ABLIM2: variants seen among roughly 807,000 people sequenced by gnomAD.
The protein encoded by ABLIM2 is actin binding LIM protein family member 2, also known as actin-binding LIM protein 2.
In ABLIM2, 53 loss-of-function variants were observed where a neutral mutation model predicts 97.7. That is an observed-to-expected ratio of 0.54 (90% CI 0.44 to 0.68). The LOEUF (loss-of-function observed/expected upper bound fraction) is 0.68. ABLIM2 is among the 30% of genes least tolerant of loss of function. ABLIM2 has a pLI of 0.00. For missense variants in ABLIM2, 835 were observed against 867.2 expected, an observed-to-expected ratio of 0.96 and a Z score of 0.47; for synonymous variants, 361 against 345.8, an observed-to-expected ratio of 1.04 and a Z score of -0.49.
chr4:8,032,956 C>T lies in ABLIM2; in HGVS notation c.1048-3180G>A, dbSNP rs779137334. On this transcript the variant is annotated intron_variant, in intron 10 of 20. Coordinates refer to ENST00000447017, the MANE Select transcript of ABLIM2 (RefSeq NM_001130083.2). The surrounding 1 kb of genome is among the most constrained non-coding windows in gnomAD (Gnocchi z 4.3). ...GCTTGTCTCTACCTGGCCACCCCCA[C>T]GTCCCACTGTTCTCCCACAAAGATG... Among the ~76,000 whole-genome samples the T allele has an allele frequency of 6.6e-6, 1 of 152,356 alleles. No individual in the cohort carries two copies. The highest frequency in any genetic ancestry group is 1.5e-5 in the Non-Finnish European group (1 of 68,044).
Position 7,966,638 on chromosome 4 carries a change from C to T in ABLIM2, c.*352G>A, listed in dbSNP as rs1577406920. On this transcript the variant is annotated 3_prime_UTR_variant, in exon 21 of 21. Transcript: ENST00000447017. The stretch of plus-strand genomic sequence containing the variant: ...AGCTCACGTCCCGGCCACCTCTGTC[C>T]CCCACGTGCCCAGCACCGGGGCCAG... 1 of 244,082 alleles carries T rather than the reference C, an allele frequency of 4.1e-6. No individual in the cohort carries two copies. Among genetic ancestry groups the T allele is most frequent in the Non-Finnish European group, 8.0e-6 (1 of 125,520 alleles). 15.1% of individuals were successfully genotyped at this position (244,082 alleles called of 1,614,324 possible). A position where few individuals can be genotyped will look rare whatever the true frequency, so the allele number is the denominator to read the frequency against.
At chr4:8,118,477 C>T (rs745733722) in intron 1 of ABLIM2, among the ~76,000 whole-genome samples, 2 of 152,196 alleles carry the variant, frequency 1.3e-5, no homozygotes, top group Non-Finnish European at 2.9e-5. Context: ...ATGGAGTCTC[C>T]AAGACAAGCT....
At position 8,008,080 on chromosome 4, in the gene ABLIM2, C is replaced by T. The variant is rs1762563269; in HGVS notation, c.1597G>A (p.Ala533Thr). 6.2e-7 allele frequency: 1 copy of T among 1,614,006 alleles called. No homozygotes were observed. The highest frequency in any genetic ancestry group is 1.6e-4 in the Middle Eastern group (1 of 6,062). ...TCACGTGAGTGAAAGCTGTCCCCTG[C>T]CATCCTTTGGAGAGGGTCTCTGTCG... Reference protein sequence around the residue: ...GTDRDPLQRMAGDSFHSRFPY... With the variant: ...GTDRDPLQRMTGDSFHSRFPY... The change falls in exon 16 of 21, where the codon GCA becomes ACA. Residue 533 changes from alanine to threonine, a missense_variant. Physicochemically the swap from Ala to Thr is moderately conservative, Grantham distance 58. Coordinates refer to ENST00000447017, the MANE Select transcript of ABLIM2 (RefSeq NM_001130083.2).
Position 8,089,143 on chromosome 4 carries a change from T to G in ABLIM2, c.339-859A>C, listed in dbSNP as rs571233346. On this transcript the variant is annotated intron_variant, in intron 3 of 20. Coordinates refer to ENST00000447017, the MANE Select transcript of ABLIM2 (RefSeq NM_001130083.2). ...AAAGTCCGCCTCCGCAGCAAGTGCC[T>G]GGAGTGAGGCCAGGTGAGGGACCGC... Among the ~76,000 whole-genome samples, 5 of 152,362 alleles carry G rather than the reference T, an allele frequency of 3.3e-5. No individual in the cohort carries two copies. The South Asian group carries it at 1.0e-3, about 32-fold the overall frequency.
chr4:8,078,301 G>C (rs1316341), intron 5 of ABLIM2, among the ~76,000 whole-genome samples: 1 of 152,066 alleles, frequency 6.6e-6, no homozygotes, highest in Non-Finnish European at 1.5e-5. Flanking sequence ...GTGCAGGAAA[G>C]AGCAGGAGGG....
At chr4:7,968,219 A>G (rs1724578886) in intron 20 of ABLIM2, among the ~76,000 whole-genome samples, 1 of 152,214 alleles carries the variant, frequency 6.6e-6, no homozygotes. Context: ...CTGAATCACC[A>G]TCTGCTGCCT....
chr4:8,024,459 C>T (rs1475731152), intron 12 of ABLIM2, among the ~76,000 whole-genome samples: 5 of 152,272 alleles, frequency 3.3e-5, no homozygotes, highest in Non-Finnish European at 7.4e-5. Context: ...CGTACAGTGC[C>T]GTCCGGAGGG....
chr4:7,985,456 G>A (rs897746203), intron 17 of ABLIM2, among the ~76,000 whole-genome samples: 1 of 152,146 alleles, frequency 6.6e-6, no homozygotes, highest in Non-Finnish European at 1.5e-5. Context: ...TTCTGGCACT[G>A]TGCACGGTTG....
intron 16 of ABLIM2, among the ~76,000 whole-genome samples, chr4:7,995,634 T>C (rs534811617): frequency 2.0e-5 from 3 of 152,210 alleles, no homozygotes; most frequent in Admixed American, 6.5e-5. Flanking sequence ...TGCAACACGG[T>C]AGCCAGTGGA....
At chr4:8,086,971 G>C (rs927761430) in intron 4 of ABLIM2, among the ~76,000 whole-genome samples, 1 of 152,066 alleles carries the variant, frequency 6.6e-6, no homozygotes, top group African/African-American at 2.4e-5. Flanking sequence ...GCTTTGCTTT[G>C]GCTCACAGAG....
At chr4:8,143,989 CTGGGAGAAACCACCA>C (rs1851410475) in intron 1 of ABLIM2, among the ~76,000 whole-genome samples, 1 of 152,168 alleles carries the variant, frequency 6.6e-6, no homozygotes, top group South Asian at 2.1e-4. Flanking sequence ...GACTTAGGTC[CTGGGAGAAACCACCA>C]GCCCCCACCC....
rs1331133586 is a variant in ABLIM2 at position 7,986,551 on chromosome 4, C to T, written c.1681-1658G>A. 6.6e-6 allele frequency among the ~76,000 whole-genome samples: 1 copy of T among 152,238 alleles called. No individual in the cohort carries two copies. Among genetic ancestry groups the T allele is most frequent in the Non-Finnish European group, 1.5e-5 (1 of 68,044 alleles). ...AACTATTGCATTAAACTTATCCTGACTGCATTTTCTTCTTTAGTGCCTTGC... is the reference window on the plus strand; with the variant it reads ...AACTATTGCATTAAACTTATCCTGATTGCATTTTCTTCTTTAGTGCCTTGC... On this transcript the variant is annotated intron_variant, in intron 17 of 20. Transcript: ENST00000447017. This position sits in a 1 kb window ranked among gnomAD's most constrained non-coding sequence, Gnocchi z 4.3.
chr4:8,010,376 G>A, intron 14 of ABLIM2: 2 of 985,784 alleles, frequency 2.0e-6, no homozygotes, highest in Non-Finnish European at 2.4e-6. Flanking sequence ...TCCGTCCCCA[G>A]CCCGCCACGA....
chr4:8,128,462 A>T lies in ABLIM2; in HGVS notation c.11-21825T>A, dbSNP rs995755693. On this transcript the variant is annotated intron_variant, in intron 1 of 20. Coordinates refer to ENST00000447017, the MANE Select transcript of ABLIM2 (RefSeq NM_001130083.2). The surrounding 1 kb of genome is among the most constrained non-coding windows in gnomAD (Gnocchi z 4.9). ...TCGCAAGGCCCCTGCATACCGAAACATGGCTAGCACCACGCAGAACAGAGT... is the reference window on the plus strand; with the variant it reads ...TCGCAAGGCCCCTGCATACCGAAACTTGGCTAGCACCACGCAGAACAGAGT... 1.3e-5 allele frequency among the ~76,000 whole-genome samples: 2 copies of T among 152,188 alleles called. No individual in the cohort carries two copies. Among genetic ancestry groups the T allele is most frequent in the Non-Finnish European group, 2.9e-5 (2 of 68,032 alleles).
rs1578526817 is a variant in ABLIM2, at chr4:8,147,514, G to A, written c.10+11166C>T. Among the ~76,000 whole-genome samples, 1 of 152,160 alleles carries A rather than the reference G, an allele frequency of 6.6e-6. No homozygotes were observed. The highest frequency in any genetic ancestry group is 2.4e-5 in the African/African-American group (1 of 41,432). On this transcript the variant is annotated intron_variant, in intron 1 of 20. Coordinates refer to ENST00000447017, the MANE Select transcript of ABLIM2 (RefSeq NM_001130083.2). The surrounding 1 kb of genome is among the most constrained non-coding windows in gnomAD (Gnocchi z 5.3). ...GGAGATGATTCTGGATGCTATGGGC[G>A]GGCTCTGAGTGCAATCTCAAGAGTC...
Position 8,036,128 on chromosome 4 carries a change from C to T in ABLIM2, c.1047+21G>A, listed in dbSNP as rs371034954. 1.3e-4 allele frequency: 214 copies of T among 1,612,366 alleles called. 1 individual carries two copies. The highest frequency in any genetic ancestry group is 3.7e-5 in the Non-Finnish European group (44 of 1,179,056). ...CACTTGGGGACACAGGTGTCCAGGG[C>T]CATGTGGGCAGGGTCCATACCTCGC... On this transcript the variant is annotated intron_variant, in intron 10 of 20. Transcript: ENST00000447017.
Position 7,994,776 on chromosome 4 carries a change from A to T in ABLIM2, c.1619-1849T>A, listed in dbSNP as rs186771238. Among the ~76,000 whole-genome samples, 96 of 117,136 alleles carry T rather than the reference A, an allele frequency of 8.2e-4. 2 individuals carry two copies. Among genetic ancestry groups the T allele is most frequent in the African/African-American group, 2.5e-3 (93 of 37,154 alleles). 76.8% of individuals were successfully genotyped at this position (117,136 alleles called of 152,430 possible). On this transcript the variant is annotated intron_variant, in intron 16 of 20. Transcript: ENST00000447017. ...CCAGCACCTGTTGTTTCCTGACTTC[A>T]TGTCCAAAACACCAAAAGCAATGGC...
intron 2 of ABLIM2, among the ~76,000 whole-genome samples, chr4:8,102,391 T>C (rs561052420): frequency 6.6e-6 from 1 of 152,372 alleles, no homozygotes; most frequent in East Asian, 1.9e-4. Flanking sequence ...TAGCACATGA[T>C]GAAATTTGCT....
chr4:8,049,528 C>A (rs2151873453), intron 8 of ABLIM2, among the ~76,000 whole-genome samples: 1 of 152,294 alleles, frequency 6.6e-6, no homozygotes, highest in South Asian at 2.1e-4. Flanking sequence ...CCTCACTATG[C>A]CCGCCTCCCT....
Sources: allele counts gnomAD v4.1 joint callset (sites outside exome capture counted in the v4.1 genomes callset), GRCh38; gene constraint gnomAD v4.1.1; non-coding constraint Gnocchi (gnomAD v3.1); transcripts MANE v1.5; gene names NCBI Gene and HGNC (gene_info 2026-07-23, HGNC 2026-07-21).